Variants in RAPGEF5 observed in about 807,000 individuals in gnomAD.
RAPGEF5 encodes the protein M-Ras-regulated GEF.
Under a neutral mutation model 125.2 loss-of-function variants are expected in RAPGEF5, and 65 were observed. The observed-to-expected ratio is 0.52, with a 90% CI of 0.43 to 0.64. The LOEUF is 0.64. RAPGEF5 is among the 30% of genes least tolerant of loss of function. The probability of loss-of-function intolerance (pLI) is 0.00; values close to 1 mark genes in which losing one functional copy is unlikely to be tolerated. For synonymous variants in RAPGEF5, 391 were observed against 385.9 expected, an observed-to-expected ratio of 1.01 and a Z score of -0.16; for missense variants, 958 against 1,048.1, an observed-to-expected ratio of 0.91 and a Z score of 1.19.
At chr7:22,143,775 C>G (rs1187696070) in intron 20 of RAPGEF5, among the ~76,000 whole-genome samples, 2 of 152,208 alleles carry the variant, frequency 1.3e-5, no homozygotes, top group African/African-American at 2.4e-5. Context: ...CCTCAACAGA[C>G]TTAGATCTTC....
At chr7:22,160,436 T>C (rs1186800865) in intron 14 of RAPGEF5, 82 bp downstream of exon 14, 2 of 1,335,802 alleles carry the variant, frequency 1.5e-6, no homozygotes, top group South Asian at 1.5e-5. Flanking sequence ...AAATCAACTT[T>C]TATGTATAAG....
chr7:22,243,841 T>C (rs183444770), intron 7 of RAPGEF5, among the ~76,000 whole-genome samples: 3 of 152,314 alleles, frequency 2.0e-5, no homozygotes, highest in East Asian at 3.9e-4. Flanking sequence ...TTATTAACTA[T>C]AGTCACCGTG....
chr7:22,123,064 G>C (rs1274337706), intron 25 of RAPGEF5, among the ~76,000 whole-genome samples: 5 of 152,154 alleles, frequency 3.3e-5, no homozygotes, highest in Non-Finnish European at 7.4e-5. Flanking sequence ...ATTTAATGGA[G>C]CAACTGAATG....
intron 11 of RAPGEF5, among the ~76,000 whole-genome samples, chr7:22,189,549 C>G (rs1463894866): frequency 1.3e-5 from 2 of 152,120 alleles, no homozygotes; most frequent in Non-Finnish European, 2.9e-5. Context: ...TCGTAATTCT[C>G]TCATGTAAAC....
intron 7 of RAPGEF5, among the ~76,000 whole-genome samples, chr7:22,261,334 A>C (rs1163894342): frequency 1.3e-5 from 2 of 152,150 alleles, no homozygotes; most frequent in East Asian, 3.8e-4. Context: ...ACTGATATAA[A>C]ATTTAGGCTG....
intron 7 of RAPGEF5, among the ~76,000 whole-genome samples, chr7:22,249,686 G>A (rs1786569611): frequency 6.6e-6 from 1 of 152,114 alleles, no homozygotes; most frequent in Non-Finnish European, 1.5e-5. Context: ...TAAGGTAGTC[G>A]CAGAACTATA....
intron 14 of RAPGEF5, among the ~76,000 whole-genome samples, chr7:22,160,210 A>C (rs1310045075): frequency 6.6e-6 from 1 of 152,224 alleles, no homozygotes. Flanking sequence ...CAAAATGACA[A>C]GTTAAACAGA....
chr7:22,331,621 C>T (rs528876681), intron 1 of RAPGEF5, among the ~76,000 whole-genome samples: 46 of 151,576 alleles, frequency 3.0e-4, no homozygotes, highest in Middle Eastern at 3.4e-3. Context: ...GGTGGGCGCC[C>T]GTAGTCCCAG....
intron 1 of RAPGEF5, among the ~76,000 whole-genome samples, chr7:22,335,703 AACAAC>A (rs1468785055): frequency 0.028 from 2,956 of 105,058 alleles, 58 homozygotes; most frequent in Middle Eastern, 0.05. Context: ...AAAAAAAAAA[AACAAC>A]AAAACAACAA....
At chr7:22,333,411 G>T (rs1237879241) in intron 1 of RAPGEF5, among the ~76,000 whole-genome samples, 2 of 152,078 alleles carry the variant, frequency 1.3e-5, no homozygotes, top group African/African-American at 4.8e-5. Flanking sequence ...TCTGATCTAG[G>T]TTTGCCAGAA....
intron 7 of RAPGEF5, among the ~76,000 whole-genome samples, chr7:22,266,494 A>G (rs1167982717): frequency 1.3e-5 from 2 of 152,174 alleles, no homozygotes; most frequent in African/African-American, 4.8e-5. Context: ...CTATCAATCA[A>G]TCCTAGGAAT....
intron 23 of RAPGEF5, among the ~76,000 whole-genome samples, chr7:22,133,792 C>T (rs992709075): frequency 2.0e-5 from 3 of 152,132 alleles, no homozygotes; most frequent in Non-Finnish European, 4.4e-5. Flanking sequence ...GTTTCCCATT[C>T]GTCCCTTTCT....
Position 22,318,052 on chromosome 7 carries a change from G to GAA in RAPGEF5, c.232-17_232-16dup. ...CTTGATAGAGTCTATTTTAAACAAA[G>GAA]AAAAAAAAAATAGTTAGAACCAAAT... On this transcript the variant is annotated splice_polypyrimidine_tract_variant and intron_variant, in intron 1 of 25. Transcript: ENST00000665637. The GAA allele has an allele frequency of 4.0e-6, 5 of 1,254,740 alleles. No homozygotes were observed. The highest frequency in any genetic ancestry group is 3.4e-5 in the East Asian group (1 of 29,346). The allele number at this position is 1,254,740 out of a possible 1,614,324, so 77.7% of individuals were successfully genotyped here. A position where few individuals can be genotyped will look rare whatever the true frequency, so the allele number is the denominator to read the frequency against.
At chr7:22,273,932 T>A (rs893201600) in intron 6 of RAPGEF5, among the ~76,000 whole-genome samples, 1 of 152,206 alleles carries the variant, frequency 6.6e-6, no homozygotes, top group Admixed American at 6.5e-5. Context: ...CACAGGAGAA[T>A]GACCAGGAGA....
At chr7:22,315,303 T>C in intron 3 of RAPGEF5, 67 bp downstream of exon 3, 1 of 1,504,290 alleles carries the variant, frequency 6.6e-7, no homozygotes, top group Non-Finnish European at 8.9e-7. Context: ...AAGGTTACAA[T>C]TTTAACACAG....
intron 7 of RAPGEF5, among the ~76,000 whole-genome samples, chr7:22,265,931 T>C (rs1782272121): frequency 6.6e-6 from 1 of 152,156 alleles, no homozygotes; most frequent in African/African-American, 2.4e-5. Context: ...TACCCAAGAT[T>C]GCTATTCCTT....
At chr7:22,145,541 T>A (rs532931665) in intron 19 of RAPGEF5, among the ~76,000 whole-genome samples, 5 of 152,316 alleles carry the variant, frequency 3.3e-5, no homozygotes, top group African/African-American at 1.2e-4. Context: ...ACTTGTCATG[T>A]TGAAAAATTC....
intron 1 of RAPGEF5, among the ~76,000 whole-genome samples, chr7:22,342,202 G>A (rs1784143359): frequency 6.6e-6 from 1 of 152,204 alleles, no homozygotes; most frequent in South Asian, 2.1e-4. Context: ...ACCCTCTGAA[G>A]CCAAAGCCTG....
Position 22,136,913 on chromosome 7 carries a change from C to G in RAPGEF5, c.2328+20G>C. On this transcript the variant is annotated intron_variant, in intron 22 of 25. Coordinates refer to ENST00000665637, the MANE Select transcript of RAPGEF5 (RefSeq NM_012294.5). ...AGCAATTATTTTGAAGAATAAGTCC[C>G]CTTTGGCTCAACTACTTACTGTTAA... 2 of 1,544,746 alleles carry G rather than the reference C, an allele frequency of 1.3e-6. No homozygotes were observed. The highest frequency in any genetic ancestry group is 2.7e-5 in the African/African-American group (2 of 73,548).
Sources: allele counts gnomAD v4.1 joint callset (sites outside exome capture counted in the v4.1 genomes callset), GRCh38; gene constraint gnomAD v4.1.1; transcripts MANE v1.5; gene names NCBI Gene and HGNC (gene_info 2026-07-23, HGNC 2026-07-21).